SUSD6: variants seen among roughly 807,000 people sequenced by gnomAD.
SUSD6 encodes the protein sushi domain containing 6, also known as sushi domain-containing protein 6.
In SUSD6, 16 loss-of-function variants were observed where a neutral mutation model predicts 28.4. That is an observed-to-expected ratio of 0.56 (90% CI 0.38 to 0.86). SUSD6 has a LOEUF of 0.86. Ranked by LOEUF, SUSD6 falls within the 40% of genes least tolerant of loss-of-function variation. The pLI is 0.00. For synonymous variants in SUSD6, 147 were observed against 159.6 expected (o/e 0.92, Z 0.59); for missense variants, 341 against 384.2 (o/e 0.89, Z 0.94).
rs530221476 is a variant in SUSD6, at chr14:69,714,334, A to G, written c.*3355A>G. On this transcript the variant is annotated 3_prime_UTR_variant, in exon 6 of 6. Transcript: ENST00000342745. ...CCCTCCCAGTCCCAGCTGAGCCCTC[A>G]GACCACTTGCTTCCCACATAACAAT... 2.6e-5 allele frequency: 4 copies of G among 152,400 alleles called. No homozygotes were observed. The highest frequency in any genetic ancestry group is 9.6e-5 in the African/African-American group (4 of 41,562). 9.4% of individuals were successfully genotyped at this position (152,400 alleles called of 1,614,324 possible).
chr14:69,690,317 A>G (rs1886135258), intron 2 of SUSD6, among the ~76,000 whole-genome samples: 2 of 152,264 alleles, frequency 1.3e-5, no homozygotes, highest in Non-Finnish European at 2.9e-5. Flanking sequence ...TACTAGAGCC[A>G]GACCAATATG....
intron 1 of SUSD6, among the ~76,000 whole-genome samples, chr14:69,633,424 CG>C (rs1885222709): frequency 6.6e-6 from 1 of 152,222 alleles, no homozygotes; most frequent in Non-Finnish European, 1.5e-5. Flanking sequence ...CCCTGCCACC[CG>C]CTATCTAGCA....
chr14:69,618,494 G>A (rs1260762374), intron 1 of SUSD6, among the ~76,000 whole-genome samples: 1 of 152,228 alleles, frequency 6.6e-6, no homozygotes, highest in East Asian at 1.9e-4. Flanking sequence ...TCTTGAAAGT[G>A]TGCATATGCA....
At chr14:69,662,030 C>A (rs1418498599) in intron 2 of SUSD6, among the ~76,000 whole-genome samples, 1 of 152,154 alleles carries the variant, frequency 6.6e-6, no homozygotes, top group Non-Finnish European at 1.5e-5. Flanking sequence ...GTGATCCTCT[C>A]CCCTCTACCT....
In SUSD6 at chr14:69,624,529, C is replaced by T. The variant is rs370961151; in HGVS notation, c.-81+12701C>T. Reference sequence around the variant, plus strand: ...GTGCCATGGCCTGATCTCGGCTCACCGCAACCTCTGCCTCCCAGGTTCAAG... The same window carrying T: ...GTGCCATGGCCTGATCTCGGCTCACTGCAACCTCTGCCTCCCAGGTTCAAG... On this transcript the variant is annotated intron_variant, in intron 1 of 5. Transcript: ENST00000342745. Among the ~76,000 whole-genome samples, 44 of 151,816 alleles carry T rather than the reference C, an allele frequency of 2.9e-4. No homozygotes were observed. The South Asian group carries it at 6.0e-3, about 21-fold the overall frequency.
chr14:69,661,623 C>T (rs1189657431), intron 2 of SUSD6, among the ~76,000 whole-genome samples: 4 of 152,082 alleles, frequency 2.6e-5, no homozygotes, highest in African/African-American at 9.7e-5. Flanking sequence ...GGAGTAGCTT[C>T]TAGGGGAGTA....
At chr14:69,701,851 G>A (rs993676164) in intron 2 of SUSD6, among the ~76,000 whole-genome samples, 4 of 152,090 alleles carry the variant, frequency 2.6e-5, no homozygotes, top group African/African-American at 9.7e-5. Flanking sequence ...AAAAAGAAAA[G>A]AAAAAGTGCC....
intron 1 of SUSD6, among the ~76,000 whole-genome samples, chr14:69,638,907 C>A (rs943430436): frequency 6.6e-5 from 10 of 152,322 alleles, no homozygotes; most frequent in Admixed American, 4.6e-4. Flanking sequence ...AAGCTGCTGG[C>A]TTCTCTGAGC....
intron 1 of SUSD6, among the ~76,000 whole-genome samples, chr14:69,618,668 A>C (rs1194077813): frequency 6.6e-6 from 1 of 152,244 alleles, no homozygotes. Context: ...CAGTTCTTCT[A>C]GAAAGTTCCC....
At chr14:69,649,520 T>C (rs1209650098) in intron 1 of SUSD6, among the ~76,000 whole-genome samples, 1 of 152,272 alleles carries the variant, frequency 6.6e-6, no homozygotes, top group African/African-American at 2.4e-5. Context: ...TCTTGTTTTA[T>C]ACATGCTGTT....
chr14:69,623,994 G>A (rs1885078551), intron 1 of SUSD6, among the ~76,000 whole-genome samples: 1 of 152,104 alleles, frequency 6.6e-6, no homozygotes, highest in East Asian at 1.9e-4. Flanking sequence ...TAAGTGTACA[G>A]TGTTTATAAA....
At chr14:69,630,999 T>G (rs971784543) in intron 1 of SUSD6, among the ~76,000 whole-genome samples, 1 of 152,226 alleles carries the variant, frequency 6.6e-6, no homozygotes, top group African/African-American at 2.4e-5. Context: ...GCCTGTGACT[T>G]AAAGTGATTA....
Position 69,685,443 on chromosome 14 carries a change from C to T in SUSD6, c.122-17952C>T, listed in dbSNP as rs571587923. Among the ~76,000 whole-genome samples the T allele has an allele frequency of 1.2e-4, 18 of 152,254 alleles. No individual in the cohort carries two copies. In the East Asian group the frequency reaches 1.9e-3, roughly 16 times the overall value. ...TTTTCCATCAACAAAGCATAGAGTT[C>T]GGGGAAACCCAGGATGAGCTGTCAT... On this transcript the variant is annotated intron_variant, in intron 2 of 5. Coordinates refer to ENST00000342745, the MANE Select transcript of SUSD6 (RefSeq NM_014734.4).
At position 69,703,582 on chromosome 14, in the gene SUSD6, T is replaced by G; in HGVS notation, c.309T>G (p.Arg103=). 6.2e-7 allele frequency: 1 copy of G among 1,614,126 alleles called. No individual in the cohort carries two copies. Among genetic ancestry groups the G allele is most frequent in the Non-Finnish European group, 8.5e-7 (1 of 1,180,004 alleles). ...AACCAGCCATGGAGATTAGCTGCCG[T>G]CTCAACGAGGGTCAGTCTGGCAGAT... The part of the protein sequence containing the change: ...EWKPAMEISC[R]LNEDKDTHTS... The change falls in exon 3 of 6, where the codon CGT becomes CGG. Residue 103 remains arginine (R), a synonymous_variant. Transcript: ENST00000342745.
intron 2 of SUSD6, among the ~76,000 whole-genome samples, chr14:69,669,072 T>C (rs1287564707): frequency 1.5e-5 from 2 of 134,162 alleles, no homozygotes; most frequent in Non-Finnish European, 1.7e-5. Flanking sequence ...CTTTTTTTTT[T>C]TTTTTTTTTT....
intron 1 of SUSD6, among the ~76,000 whole-genome samples, chr14:69,640,259 A>G (rs192502808): frequency 2.6e-4 from 40 of 151,996 alleles, no homozygotes; most frequent in Admixed American, 1.1e-3. Context: ...CTGAGTAACT[A>G]TCATTCACTT....
intron 3 of SUSD6, 134 bp downstream of exon 3, chr14:69,703,726 C>T: frequency 1.3e-6 from 1 of 763,318 alleles, no homozygotes; most frequent in Non-Finnish European, 2.2e-6. Flanking sequence ...CTGCAGCCTC[C>T]CTTCCTTGGG....
intron 1 of SUSD6, among the ~76,000 whole-genome samples, chr14:69,612,630 A>G (rs1226636804): frequency 6.6e-6 from 1 of 152,160 alleles, no homozygotes; most frequent in African/African-American, 2.4e-5. Context: ...AAGAGGCGTC[A>G]AAATAAAGTC....
At chr14:69,669,179 G>T (rs916058285) in intron 2 of SUSD6, among the ~76,000 whole-genome samples, 6 of 147,254 alleles carry the variant, frequency 4.1e-5, no homozygotes, top group Non-Finnish European at 7.4e-5. Flanking sequence ...TTCTCCTGCC[G>T]CAGCCTCCCA....
Sources: gnomAD v4.1 joint callset for allele counts (sites outside exome capture counted in the v4.1 genomes callset) on GRCh38, gnomAD v4.1.1 for gene constraint, MANE v1.5 for transcripts, NCBI Gene and HGNC (gene_info 2026-07-23, HGNC 2026-07-21) for gene names.